BRD3: variants seen among roughly 807,000 people sequenced by gnomAD.
BRD3 encodes bromodomain-containing protein 3.
In BRD3, 17 loss-of-function variants were observed where a neutral mutation model predicts 66.8. The ratio of observed to expected loss-of-function variants is 0.25; its 90% CI spans 0.17 to 0.38. The LOEUF is 0.38. BRD3 is among the 10% of genes least tolerant of loss of function. The pLI is 1.00. For synonymous variants in BRD3, 421 were observed against 393.2 expected (o/e 1.07, Z -0.84); for missense variants, 713 against 956.1 (o/e 0.75, Z 3.35).
intron 7 of BRD3, among the ~76,000 whole-genome samples, 192 bp from the exon 8 acceptor site, chr9:134,042,143 A>C (rs1830062539): frequency 6.6e-6 from 1 of 151,890 alleles, no homozygotes; most frequent in Admixed American, 6.6e-5. Flanking sequence ...CTCCCTCCCC[A>C]GGCAATTCCT....
At chr9:134,060,357 G>C (rs1830511580) in intron 1 of BRD3, among the ~76,000 whole-genome samples, 1 of 152,200 alleles carries the variant, frequency 6.6e-6, no homozygotes, top group South Asian at 2.1e-4. Context: ...AGCACCTTGG[G>C]AGGGGCAGGA....
intron 9 of BRD3, among the ~76,000 whole-genome samples, chr9:134,039,615 G>A (rs1290485875): frequency 6.6e-6 from 1 of 152,192 alleles, no homozygotes; most frequent in Admixed American, 6.5e-5. Flanking sequence ...ACGCTCCTCA[G>A]GGTGGTGCCC....
intron 1 of BRD3, among the ~76,000 whole-genome samples, chr9:134,061,840 T>TG (rs751919311): frequency 3.9e-5 from 6 of 152,154 alleles, no homozygotes; most frequent in Non-Finnish European, 8.8e-5. Flanking sequence ...GGGATAATGC[T>TG]GGGAGCAGTG....
At chr9:134,053,164 T>G in intron 2 of BRD3, 101 bp downstream of exon 2, 1 of 1,352,256 alleles carries the variant, frequency 7.4e-7, no homozygotes, top group Non-Finnish European at 1.0e-6. Flanking sequence ...AGCAGCAAAT[T>G]CCCAAGGCCA....
chr9:134,031,123 G>A lies in BRD3; in HGVS notation c.*2467C>T. 1 of 229,048 alleles carries A rather than the reference G, an allele frequency of 4.4e-6. No homozygotes were observed. The highest frequency in any genetic ancestry group is 8.7e-6 in the Non-Finnish European group (1 of 115,468). 14.2% of individuals were successfully genotyped at this position (229,048 alleles called of 1,614,324 possible). ...GTGACAGCACCAATGCAGCTGCTCA[G>A]TGTACCCGCCGTGGGCTGTCAGGGT... On this transcript the variant is annotated 3_prime_UTR_variant, in exon 12 of 12. Coordinates refer to ENST00000303407, the MANE Select transcript of BRD3 (RefSeq NM_007371.4).
chr9:134,068,435 C>T (rs1186970369), upstream of BRD3: 1 of 150,204 alleles, frequency 6.7e-6, no homozygotes, highest in South Asian at 2.1e-4. Context: ...ACCCCGAGGC[C>T]CGCGGGAGCC....
intron 1 of BRD3, among the ~76,000 whole-genome samples, chr9:134,065,717 G>A (rs1830636506): frequency 6.6e-6 from 1 of 152,130 alleles, no homozygotes; most frequent in African/African-American, 2.4e-5. Flanking sequence ...TGTTGGTTTT[G>A]TGCCAATCAC....
intron 9 of BRD3, among the ~76,000 whole-genome samples, chr9:134,036,867 C>T (rs1278566576): frequency 4.6e-5 from 7 of 151,932 alleles, no homozygotes; most frequent in Non-Finnish European, 7.4e-5. Context: ...AAAAATTAGC[C>T]GGGCGTGGTG....
chr9:134,067,690 GGGA>G (rs1005507116), intron 1 of BRD3, among the ~76,000 whole-genome samples: 44 of 146,164 alleles, frequency 3.0e-4, no homozygotes, highest in African/African-American at 9.8e-4. Flanking sequence ...AAGCGGGAGC[GGGA>G]GGAGGGGAGC....
At chr9:134,037,467 A>G (rs1829949941) in intron 9 of BRD3, among the ~76,000 whole-genome samples, 2 of 152,148 alleles carry the variant, frequency 1.3e-5, no homozygotes, top group Non-Finnish European at 2.9e-5. Flanking sequence ...GCTACTAGGG[A>G]TGCTGAGGCA....
intron 5 of BRD3, 52 bp from the exon 6 acceptor site, chr9:134,048,506 G>T: frequency 6.3e-7 from 1 of 1,592,798 alleles, no homozygotes; most frequent in Non-Finnish European, 8.5e-7. Context: ...CCCCGAAGAC[G>T]CATGTCGCTG....
chr9:134,053,539 A>T lies in BRD3; in HGVS notation c.-62T>A. On this transcript the variant is annotated 5_prime_UTR_variant, in exon 2 of 12. Transcript: ENST00000303407. ...GCTTGGAGAGGCCCTGGCTGCTTCT[A>T]CGCTCCCTGAGAAAGCGCGACGTCC... is the stretch of plus-strand genomic sequence containing the variant. 6.7e-7 allele frequency: 1 copy of T among 1,481,490 alleles called. No homozygotes were observed. The highest frequency in any genetic ancestry group is 2.4e-5 in the East Asian group (1 of 41,190). The allele number at this position is 1,481,490 out of a possible 1,614,324, so 91.8% of individuals were successfully genotyped here. A position where few individuals can be genotyped will look rare whatever the true frequency, so the allele number is the denominator to read the frequency against.
intron 9 of BRD3, 117 bp from the exon 10 acceptor site, chr9:134,036,441 C>A (rs1829915242): frequency 2.5e-6 from 4 of 1,576,852 alleles, no homozygotes; most frequent in Non-Finnish European, 3.4e-6. Flanking sequence ...AGCTTTCTTC[C>A]CAAAGTGGTG....
chr9:134,066,402 C>T (rs1310672987), intron 1 of BRD3, among the ~76,000 whole-genome samples: 1 of 152,176 alleles, frequency 6.6e-6, no homozygotes, highest in Non-Finnish European at 1.5e-5. Flanking sequence ...GGGAAGAACC[C>T]GGAGGGAGGG....
chr9:134,063,653 C>T (rs1178506352), intron 1 of BRD3, among the ~76,000 whole-genome samples: 1 of 152,176 alleles, frequency 6.6e-6, no homozygotes, highest in Non-Finnish European at 1.5e-5. Flanking sequence ...CTAAGGCCGT[C>T]CCGCCCCAGA....
rs60127643 is a variant in BRD3, at chr9:134,054,962, G to A, written c.-113-1372C>T. Among the ~76,000 whole-genome samples, 1,376 of 152,244 alleles carry A rather than the reference G, an allele frequency of 9.0e-3. 27 individuals carry two copies. The highest frequency in any genetic ancestry group is 0.031 in the African/African-American group (1,285 of 41,540). On this transcript the variant is annotated intron_variant, in intron 1 of 11. Coordinates refer to ENST00000303407, the MANE Select transcript of BRD3 (RefSeq NM_007371.4). ...ATGCCAGCACGAGAGAACGTGCCCC[G>A]TCTCTGGGGCGCCCACCTGTGCCAG...
At chr9:134,042,275 C>T (rs1830066067) in intron 7 of BRD3, among the ~76,000 whole-genome samples, 1 of 152,188 alleles carries the variant, frequency 6.6e-6, no homozygotes, top group Admixed American at 6.5e-5. Context: ...CTCCCTGGGG[C>T]TGCCTCTGCT....
intron 5 of BRD3, 81 bp from the exon 6 acceptor site, chr9:134,048,535 A>G: frequency 6.3e-7 from 1 of 1,575,848 alleles, no homozygotes; most frequent in South Asian, 1.2e-5. Flanking sequence ...TTTCTGGGGC[A>G]CTGTCTGCCT....
At chr9:134,063,046 C>T (rs1167215821) in intron 1 of BRD3, among the ~76,000 whole-genome samples, 1 of 152,230 alleles carries the variant, frequency 6.6e-6, no homozygotes, top group Non-Finnish European at 1.5e-5. Context: ...CAAAACACCC[C>T]GGCCCCAGGA....
Sources: gnomAD v4.1 joint callset for allele counts (sites outside exome capture counted in the v4.1 genomes callset) on GRCh38, gnomAD v4.1.1 for gene constraint, MANE v1.5 for transcripts, NCBI Gene and HGNC (gene_info 2026-07-23, HGNC 2026-07-21) for gene names.